CDH13: variants seen among roughly 807,000 people sequenced by gnomAD.
CDH13 encodes the protein cadherin 13.
CDH13 carries 24 observed loss-of-function variants against 63.8 expected under a neutral mutation model. The observed-to-expected ratio is 0.38, with a 90% CI of 0.27 to 0.53. The LOEUF (loss-of-function observed/expected upper bound fraction) is 0.53, where lower values mean the gene tolerates loss of function less well. Ranked by LOEUF, CDH13 falls within the 20% of genes least tolerant of loss-of-function variation. The probability of loss-of-function intolerance (pLI) is 0.85; values close to 1 mark genes in which losing one functional copy is unlikely to be tolerated. For missense variants in CDH13, 1,049 were observed against 903.1 expected, an observed-to-expected ratio of 1.16 and a Z score of -2.07; for synonymous variants, 503 against 355.3, an observed-to-expected ratio of 1.42 and a Z score of -4.67.
intron 7 of CDH13, among the ~76,000 whole-genome samples, chr16:83,501,250 A>G (rs1477544834): frequency 6.6e-6 from 1 of 152,250 alleles, no homozygotes; most frequent in African/African-American, 2.4e-5. Flanking sequence ...ACAGCTATAG[A>G]AATGACCATT....
chr16:83,118,376 G>C (rs1002822891), intron 3 of CDH13, among the ~76,000 whole-genome samples: 4 of 152,234 alleles, frequency 2.6e-5, no homozygotes, highest in Non-Finnish European at 5.9e-5. Flanking sequence ...GTGTGTATGT[G>C]TGTCTATCAG....
chr16:83,289,140 A>G (rs1181717071), intron 5 of CDH13, among the ~76,000 whole-genome samples: 1 of 152,196 alleles, frequency 6.6e-6, no homozygotes, highest in African/African-American at 2.4e-5. Flanking sequence ...AAAAAGACAC[A>G]TTTCTGCTGG....
rs1035194000 is a variant in CDH13 at position 82,922,006 on chromosome 16, C to T, written c.157+63533C>T. Reference sequence around the variant, plus strand: ...AACCAGTTTGGTAATTTGTGTCATTCTAGAAATGTTTTCTATTTCATCTAA... The same window carrying T: ...AACCAGTTTGGTAATTTGTGTCATTTTAGAAATGTTTTCTATTTCATCTAA... On this transcript the variant is annotated intron_variant, in intron 2 of 13. Coordinates refer to ENST00000567109, the MANE Select transcript of CDH13 (RefSeq NM_001257.5). 5.4e-4 allele frequency among the ~76,000 whole-genome samples: 82 copies of T among 152,134 alleles called. 1 individual carries two copies. The highest frequency in any genetic ancestry group is 1.8e-3 in the African/African-American group (75 of 41,524).
intron 2 of CDH13, among the ~76,000 whole-genome samples, chr16:82,920,109 A>G (rs1241920533): frequency 1.3e-5 from 2 of 152,210 alleles, no homozygotes; most frequent in African/African-American, 4.8e-5. Context: ...TGCCTCATGT[A>G]TGCGAGAAGT....
intron 1 of CDH13, among the ~76,000 whole-genome samples, chr16:82,764,948 G>A (rs1014326402): frequency 6.6e-6 from 1 of 151,710 alleles, no homozygotes; most frequent in Non-Finnish European, 1.5e-5. Context: ...CCGAGTAGCT[G>A]AAACTACAGA....
chr16:83,242,317 C>T (rs1369190478), intron 5 of CDH13, among the ~76,000 whole-genome samples: 1 of 152,146 alleles, frequency 6.6e-6, no homozygotes, highest in Non-Finnish European at 1.5e-5. Flanking sequence ...GACAGATTGC[C>T]ATTTACTGAG....
chr16:83,002,274 G>C (rs1178777660), intron 2 of CDH13, among the ~76,000 whole-genome samples: 2 of 152,162 alleles, frequency 1.3e-5, no homozygotes, highest in Non-Finnish European at 2.9e-5. Flanking sequence ...ACACACAGAG[G>C]AACAACACTG....
intron 1 of CDH13, chr16:82,825,388 T>A (rs1035932871): frequency 3.3e-5 from 5 of 152,088 alleles, no homozygotes; most frequent in Non-Finnish European, 5.9e-5. Context: ...AAATAATGCC[T>A]CACTTTCTAG....
intron 6 of CDH13, among the ~76,000 whole-genome samples, chr16:83,351,686 C>T (rs1401975317): frequency 1.3e-5 from 2 of 152,200 alleles, no homozygotes; most frequent in African/African-American, 2.4e-5. Flanking sequence ...CAGAAGAGAG[C>T]TCATCTCTTC....
In CDH13 at chr16:82,950,807, C is replaced by CTTTTT. The variant is rs67534843; in HGVS notation, c.158-81189_158-81185dup. On this transcript the variant is annotated intron_variant, in intron 2 of 13. Transcript: ENST00000567109. Reference sequence around the variant, plus strand: ...TCACTGAGAGTTAGAACTCCCACATCTTTTTTTTTTTTTTTTTTGGTGGTG... The same window carrying CTTTTT: ...TCACTGAGAGTTAGAACTCCCACATCTTTTTTTTTTTTTTTTTTTTTTTGGTGGTG... 2.7e-3 allele frequency among the ~76,000 whole-genome samples: 352 copies of CTTTTT among 132,106 alleles called. 2 individuals are homozygous for CTTTTT. Among genetic ancestry groups the CTTTTT allele is most frequent in the African/African-American group, 6.5e-3 (231 of 35,690 alleles). The allele number at this position is 132,106 out of a possible 152,430, so 86.7% of individuals were successfully genotyped here.
At position 82,950,226 on chromosome 16, in the gene CDH13, C is replaced by T. The variant is rs145455143; in HGVS notation, c.158-81784C>T. On this transcript the variant is annotated intron_variant, in intron 2 of 13. Transcript: ENST00000567109. ...CAGCTTCTGGAGGTTTGCTAGAAAC[C>T]TTTGGCATTCCTTAGCTTATAGCCG... is the stretch of plus-strand genomic sequence containing the variant. Among the ~76,000 whole-genome samples the T allele has an allele frequency of 5.3e-3, 810 of 152,218 alleles. 8 individuals are homozygous for T. The highest frequency in any genetic ancestry group is 0.019 in the African/African-American group (780 of 41,530).
intron 5 of CDH13, among the ~76,000 whole-genome samples, chr16:83,318,293 T>G (rs757452466): frequency 6.6e-6 from 1 of 152,218 alleles, no homozygotes; most frequent in Non-Finnish European, 1.5e-5. Context: ...TCTCTTTTCT[T>G]TAAACTTTTA....
chr16:83,791,210 A>T (rs1480990198), intron 13 of CDH13, among the ~76,000 whole-genome samples: 1 of 152,162 alleles, frequency 6.6e-6, no homozygotes, highest in Non-Finnish European at 1.5e-5. Context: ...ATTAAATAAA[A>T]TGTGGACCAG....
At chr16:83,168,251 A>G (rs922169467) in intron 4 of CDH13, among the ~76,000 whole-genome samples, 1 of 152,032 alleles carries the variant, frequency 6.6e-6, no homozygotes, top group African/African-American at 2.4e-5. Flanking sequence ...AAAATAAATG[A>G]ACAAAAAAAC....
At chr16:82,787,790 T>A (rs2036089493) in intron 1 of CDH13, among the ~76,000 whole-genome samples, 1 of 126,974 alleles carries the variant, frequency 7.9e-6, no homozygotes, top group African/African-American at 2.9e-5. Context: ...CTAGAAAAGT[T>A]ACGAATTAAG....
intron 5 of CDH13, among the ~76,000 whole-genome samples, chr16:83,225,284 T>C (rs2039807259): frequency 6.6e-6 from 1 of 152,178 alleles, no homozygotes; most frequent in Non-Finnish European, 1.5e-5. Context: ...ACAGTTCTGG[T>C]GGGGTAACAT....
intron 5 of CDH13, among the ~76,000 whole-genome samples, chr16:83,219,331 A>G (rs1011714877): frequency 7.2e-5 from 11 of 152,208 alleles, no homozygotes; most frequent in African/African-American, 1.9e-4. Flanking sequence ...AACTGAGGCC[A>G]TATAATATTA....
At chr16:82,774,287 C>T (rs1458394617) in intron 1 of CDH13, among the ~76,000 whole-genome samples, 1 of 151,420 alleles carries the variant, frequency 6.6e-6, no homozygotes, top group Admixed American at 6.6e-5. Flanking sequence ...GTTGGAGACC[C>T]AGCTCTTCAA....
intron 7 of CDH13, among the ~76,000 whole-genome samples, chr16:83,553,356 T>G (rs1174026778): frequency 6.6e-6 from 1 of 152,214 alleles, no homozygotes; most frequent in Non-Finnish European, 1.5e-5. Context: ...AGTTATAAAA[T>G]TCACATCTGT....
Sources: allele counts gnomAD v4.1 joint callset (sites outside exome capture counted in the v4.1 genomes callset), GRCh38; gene constraint gnomAD v4.1.1; transcripts MANE v1.5; gene names NCBI Gene and HGNC (gene_info 2026-07-23, HGNC 2026-07-21).